The following NTM variants were observed in gnomAD, a reference collection of about 807,000 sequenced individuals.
The protein encoded by NTM is neurotrimin, also known as IgLON family member 2.
Under a neutral mutation model 42.1 loss-of-function variants are expected in NTM, and 13 were observed. The observed-to-expected ratio is 0.31, with a 90% CI of 0.20 to 0.49. The LOEUF (loss-of-function observed/expected upper bound fraction) is 0.49. Among genes scored for constraint, NTM ranks in the 20% least tolerant of loss-of-function variants. The probability of loss-of-function intolerance (pLI) is 0.99; values close to 1 mark genes in which losing one functional copy is unlikely to be tolerated. For synonymous variants in NTM, 187 were observed against 179.2 expected (o/e 1.04, Z -0.35); for missense variants, 373 against 452.8 (o/e 0.82, Z 1.60).
At chr11:131,828,470 A>G (rs953649048) in intron 1 of NTM, among the ~76,000 whole-genome samples, 4 of 152,112 alleles carry the variant, frequency 2.6e-5, no homozygotes, top group African/African-American at 9.6e-5. Flanking sequence ...CATTACCACC[A>G]TCACCACCAC....
At chr11:132,289,452 T>C (rs1353734852) in intron 4 of NTM, among the ~76,000 whole-genome samples, 1 of 152,146 alleles carries the variant, frequency 6.6e-6, no homozygotes, top group Non-Finnish European at 1.5e-5. Flanking sequence ...CCTGATTCCT[T>C]TCTTGAGCTC....
chr11:131,727,768 T>A (rs1254678959), intron 1 of NTM, among the ~76,000 whole-genome samples: 3 of 152,304 alleles, frequency 2.0e-5, no homozygotes, highest in Middle Eastern at 3.4e-3. Flanking sequence ...GCTAATCTGC[T>A]GTCATACAGC....
At chr11:132,030,201 T>C (rs1285589275) in intron 2 of NTM, among the ~76,000 whole-genome samples, 3 of 152,236 alleles carry the variant, frequency 2.0e-5, no homozygotes, top group Admixed American at 2.0e-4. Flanking sequence ...CTAGCTTAGT[T>C]ACCCCTCTCC....
At chr11:132,319,608 G>A (rs2136243143) in intron 7 of NTM, among the ~76,000 whole-genome samples, 1 of 152,326 alleles carries the variant, frequency 6.6e-6, no homozygotes, top group African/African-American at 2.4e-5. Context: ...TGTTTGATTA[G>A]GTAAAGCAGC....
rs78045094 is a variant in NTM, at chr11:132,003,075, G to A, written c.167+91427G>A. Reference sequence around the variant, plus strand: ...GTGAGCGCACTAAACAGTAAGATGCGCTGCCACAGTTGTGTGTGTAATTGA... The same window carrying A: ...GTGAGCGCACTAAACAGTAAGATGCACTGCCACAGTTGTGTGTGTAATTGA... On this transcript the variant is annotated intron_variant, in intron 2 of 8. Transcript: ENST00000683400. The surrounding 1 kb of genome is among the most constrained non-coding windows in gnomAD (Gnocchi z 6.0). Among the ~76,000 whole-genome samples the A allele has an allele frequency of 1.3e-5, 2 of 152,154 alleles. No homozygotes were observed. The highest frequency in any genetic ancestry group is 2.1e-4 in the South Asian group (1 of 4,820).
chr11:131,885,790 C>T (rs966583373), intron 1 of NTM, among the ~76,000 whole-genome samples: 2 of 152,180 alleles, frequency 1.3e-5, no homozygotes, highest in African/African-American at 2.4e-5. Context: ...CTCCCTGGGG[C>T]CCAGGTTCCT....
At chr11:132,261,323 C>A (rs1289307626) in intron 4 of NTM, among the ~76,000 whole-genome samples, 2 of 152,106 alleles carry the variant, frequency 1.3e-5, no homozygotes, top group African/African-American at 4.8e-5. Context: ...TGAAGCCCAC[C>A]CCACGGTGGA....
chr11:131,789,385 G>A (rs147813123), intron 1 of NTM, among the ~76,000 whole-genome samples: 46 of 138,000 alleles, frequency 3.3e-4, no homozygotes, highest in African/African-American at 1.2e-3. Flanking sequence ...AAGATTTAAG[G>A]GGAGCTCAGA....
At chr11:131,588,660 G>A (rs1382460705) in intron 1 of NTM, among the ~76,000 whole-genome samples, 1 of 152,202 alleles carries the variant, frequency 6.6e-6, no homozygotes, top group Admixed American at 6.5e-5. Flanking sequence ...ATTTAGTCCT[G>A]CTATAATTTT....
At chr11:132,134,759 A>ATATATC (rs2067551126) in intron 2 of NTM, among the ~76,000 whole-genome samples, 1 of 94,374 alleles carries the variant, frequency 1.1e-5, no homozygotes, top group Non-Finnish European at 2.1e-5. Flanking sequence ...ATATATATAT[A>ATATATC]TCTCACATTT....
At chr11:131,612,378 A>G (rs1313715641) in intron 1 of NTM, among the ~76,000 whole-genome samples, 1 of 152,230 alleles carries the variant, frequency 6.6e-6, no homozygotes, top group African/African-American at 2.4e-5. Context: ...GCAACAGATA[A>G]CTAATACGCT....
At chr11:131,764,201 T>A (rs1394245715) in intron 1 of NTM, among the ~76,000 whole-genome samples, 1 of 152,194 alleles carries the variant, frequency 6.6e-6, no homozygotes, top group Non-Finnish European at 1.5e-5. Context: ...ATAGATTTCT[T>A]CCCAAATCTC....
rs369847266 is a variant in NTM at position 132,161,419 on chromosome 11, A to G, written c.400+14905A>G. On this transcript the variant is annotated intron_variant, in intron 3 of 8. Transcript: ENST00000683400. ...TTCCCCACAAAATGTTCTTTTTGTC[A>G]TCTTCTGCCTGTCACCGTTTTTCAT... 2.9e-3 allele frequency among the ~76,000 whole-genome samples: 245 copies of G among 83,620 alleles called. 1 individual carries two copies. Among genetic ancestry groups the G allele is most frequent in the African/African-American group, 0.011 (231 of 20,448 alleles). 54.9% of individuals were successfully genotyped at this position (83,620 alleles called of 152,430 possible). A position where few individuals can be genotyped will look rare whatever the true frequency, so the allele number is the denominator to read the frequency against.
At chr11:131,950,123 A>G (rs889113655) in intron 2 of NTM, among the ~76,000 whole-genome samples, 2 of 152,100 alleles carry the variant, frequency 1.3e-5, no homozygotes. Context: ...TAGTGGTACA[A>G]TGGGAATCCC....
intron 1 of NTM, among the ~76,000 whole-genome samples, chr11:131,687,885 A>G (rs544234195): frequency 4.6e-5 from 7 of 152,106 alleles, no homozygotes; most frequent in Middle Eastern, 3.4e-3. Context: ...CCCCACACTC[A>G]CATCCCCTTG....
At chr11:131,598,719 CT>C (rs1273722864) in intron 1 of NTM, among the ~76,000 whole-genome samples, 1 of 89,768 alleles carries the variant, frequency 1.1e-5, no homozygotes, top group Non-Finnish European at 2.4e-5. Flanking sequence ...TTCTTTCTTT[CT>C]TTCTTTCTTT....
At chr11:131,947,591 T>A (rs926863446) in intron 2 of NTM, among the ~76,000 whole-genome samples, 7 of 152,234 alleles carry the variant, frequency 4.6e-5, no homozygotes, top group South Asian at 2.1e-4. Context: ...ACATTCACAG[T>A]GAATAGAACA....
intron 2 of NTM, among the ~76,000 whole-genome samples, chr11:132,127,509 C>T (rs980404131): frequency 2.0e-5 from 3 of 152,244 alleles, no homozygotes; most frequent in African/African-American, 7.2e-5. Context: ...ATCACACAAT[C>T]GTGCCCTTTG....
intron 1 of NTM, among the ~76,000 whole-genome samples, chr11:131,852,998 C>T (rs1297734457): frequency 6.6e-6 from 1 of 151,740 alleles, no homozygotes; most frequent in Non-Finnish European, 1.5e-5. Flanking sequence ...ATCCATCCAC[C>T]TACCACCCAT....
Sources: allele counts gnomAD v4.1 joint callset (sites outside exome capture counted in the v4.1 genomes callset), GRCh38; gene constraint gnomAD v4.1.1; non-coding constraint Gnocchi (gnomAD v3.1); transcripts MANE v1.5; gene names NCBI Gene and HGNC (gene_info 2026-07-23, HGNC 2026-07-21).